The following GATA4 variants were observed in gnomAD, a reference collection of about 807,000 sequenced individuals.
The protein encoded by GATA4 is transcription factor GATA-4.
In GATA4, 7 loss-of-function variants were observed where a neutral mutation model predicts 37.9. That is an observed-to-expected ratio of 0.18 (90% confidence interval 0.11 to 0.35). The LOEUF is 0.35. Ranked by LOEUF, GATA4 falls within the 10% of genes least tolerant of loss-of-function variation. The pLI, the probability that GATA4 is intolerant of heterozygous loss-of-function variation, is 1.00. For synonymous variants in GATA4, 372 were observed against 292.6 expected (o/e 1.27, Z -2.77); for missense variants, 647 against 653.0 (o/e 0.99, Z 0.10).
intron 2 of GATA4, among the ~76,000 whole-genome samples, chr8:11,718,513 G>C (rs1033090769): frequency 6.6e-6 from 1 of 152,218 alleles, no homozygotes; most frequent in Non-Finnish European, 1.5e-5. Context: ...ACATTGAATA[G>C]TTACAGATAT....
At chr8:11,744,383 T>C (rs967061082) in intron 2 of GATA4, among the ~76,000 whole-genome samples, 2 of 152,232 alleles carry the variant, frequency 1.3e-5, no homozygotes, top group African/African-American at 4.8e-5. Context: ...CCTCCAAACG[T>C]GGGTGATGCC....
At chr8:11,692,735 G>T in intron 1 of GATA4, 2 of 984,234 alleles carry the variant, frequency 2.0e-6, no homozygotes, top group African/African-American at 3.5e-5. Context: ...CAGGCGCCGG[G>T]ACCCACGCGA....
intron 2 of GATA4, among the ~76,000 whole-genome samples, chr8:11,727,611 G>A (rs1157675340): frequency 6.6e-6 from 1 of 152,094 alleles, no homozygotes; most frequent in Non-Finnish European, 1.5e-5. Context: ...GGGAGGCTGA[G>A]GCAGGCAGAT....
At chr8:11,734,567 A>C (rs921624080) in intron 2 of GATA4, among the ~76,000 whole-genome samples, 2 of 151,902 alleles carry the variant, frequency 1.3e-5, no homozygotes, top group East Asian at 3.9e-4. Context: ...GCTCACTGCA[A>C]CCTCCGCCTC....
At chr8:11,677,040 C>A (rs1221294401) in exon 1 of GATA4, 3 of 152,532 alleles carry the variant, frequency 2.0e-5, no homozygotes, top group Non-Finnish European at 4.4e-5. Flanking sequence ...TGAGCAGCCG[C>A]AGGGACGCCG....
chr8:11,709,569 G>C lies in GATA4; in HGVS notation c.616+641G>C, dbSNP rs1178697026. On this transcript the variant is annotated intron_variant, in intron 2 of 6. Coordinates refer to ENST00000532059, the MANE Select transcript of GATA4 (RefSeq NM_001308093.3). This position sits in a 1 kb window ranked among gnomAD's most constrained non-coding sequence, Gnocchi z 4.3. ...GGCCGAGCGCGTGGGCGCATCATGC[G>C]GGCAGCGGGGGGGGGGGCGCACACG... Among the ~76,000 whole-genome samples the C allele has an allele frequency of 2.6e-5, 3 of 114,450 alleles. No homozygotes were observed. The highest frequency in any genetic ancestry group is 6.8e-5 in the Non-Finnish European group (3 of 44,092). 75.1% of individuals were successfully genotyped at this position (114,450 alleles called of 152,430 possible). A position where few individuals can be genotyped will look rare whatever the true frequency, so the allele number is the denominator to read the frequency against.
chr8:11,709,576 G>GT lies in GATA4; in HGVS notation c.616+648_616+649insT, dbSNP rs1554488892. Among the ~76,000 whole-genome samples the GT allele has an allele frequency of 2.4e-5, 1 of 41,646 alleles. No homozygotes were observed. Among genetic ancestry groups the GT allele is most frequent in the Non-Finnish European group, 1.1e-4 (1 of 9,460 alleles). The allele number at this position is 41,646 out of a possible 152,430, so 27.3% of individuals were successfully genotyped here. On this transcript the variant is annotated intron_variant, in intron 2 of 6. Transcript: ENST00000532059. The surrounding 1 kb of genome is among the most constrained non-coding windows in gnomAD (Gnocchi z 4.3). ...CGCGTGGGCGCATCATGCGGGCAGC[G>GT]GGGGGGGGGGCGCACACGCCCGGTC... is the stretch of plus-strand genomic sequence containing the variant.
intron 1 of GATA4, among the ~76,000 whole-genome samples, chr8:11,682,148 A>G (rs1798993222): frequency 2.6e-5 from 4 of 152,332 alleles, no homozygotes; most frequent in Middle Eastern, 6.8e-3. Context: ...TAATTTTCCA[A>G]GCACTAGGTG....
intron 2 of GATA4, among the ~76,000 whole-genome samples, chr8:11,740,517 G>T (rs1801678620): frequency 6.6e-6 from 1 of 152,204 alleles, no homozygotes; most frequent in African/African-American, 2.4e-5. Context: ...CAGCTGGGAG[G>T]CCCAGGCCCC....
At chr8:11,748,066 A>C (rs1442189027) in intron 2 of GATA4, among the ~76,000 whole-genome samples, 1 of 152,020 alleles carries the variant, frequency 6.6e-6, no homozygotes, top group African/African-American at 2.4e-5. Context: ...TAAAAGCACA[A>C]AATTAGCCGT....
At chr8:11,697,458 A>G (rs964736723) in intron 1 of GATA4, 1 of 688,442 alleles carries the variant, frequency 1.5e-6, no homozygotes, top group Non-Finnish European at 1.8e-6. Context: ...GGAACCTCCC[A>G]GCTGGGGAAG....
At chr8:11,758,191 A>G in intron 6 of GATA4, 102 bp from the exon 7 acceptor site, 1 of 1,164,832 alleles carries the variant, frequency 8.6e-7, no homozygotes. Flanking sequence ...GGCTGAAGCC[A>G]TCCTGGGGAC....
intron 1 of GATA4, among the ~76,000 whole-genome samples, chr8:11,678,199 A>T (rs1174720303): frequency 6.6e-6 from 1 of 152,010 alleles, no homozygotes; most frequent in Non-Finnish European, 1.5e-5. Flanking sequence ...AGACAACACC[A>T]TTTGTTCACT....
intron 1 of GATA4, among the ~76,000 whole-genome samples, chr8:11,683,705 C>T (rs1799050269): frequency 1.3e-5 from 2 of 152,216 alleles, no homozygotes; most frequent in African/African-American, 4.8e-5. Context: ...CTATTTCAGT[C>T]CCGCAACTGC....
chr8:11,682,215 C>A (rs752196555), intron 1 of GATA4, among the ~76,000 whole-genome samples: 3 of 152,182 alleles, frequency 2.0e-5, no homozygotes, highest in Non-Finnish European at 4.4e-5. Context: ...AATGTAGAAT[C>A]TTTTAAAACG....
At chr8:11,751,345 A>G (rs963047547) in intron 4 of GATA4, among the ~76,000 whole-genome samples, 5 of 152,188 alleles carry the variant, frequency 3.3e-5, no homozygotes, top group Non-Finnish European at 7.3e-5. Flanking sequence ...AATATAATTT[A>G]TAGGTGGTTG....
Position 11,758,840 on chromosome 8 carries a change from C to A in GATA4, c.*365C>A, listed in dbSNP as rs78334561. ...GAGGATCTGAGAACAAGCGGAGGGC[C>A]GGGCCCTGGGACCCCTGCTCCAGCC... is the stretch of plus-strand genomic sequence containing the variant. On this transcript the variant is annotated 3_prime_UTR_variant, in exon 7 of 7. Transcript: ENST00000532059. The A allele has an allele frequency of 3.8e-5, 13 of 341,618 alleles. No homozygotes were observed. Among genetic ancestry groups the A allele is most frequent in the African/African-American group, 2.6e-4 (12 of 47,024 alleles). The allele number at this position is 341,618 out of a possible 1,614,324, so 21.2% of individuals were successfully genotyped here.
intron 2 of GATA4, among the ~76,000 whole-genome samples, chr8:11,724,612 C>T (rs1800828465): frequency 1.3e-5 from 2 of 152,230 alleles, no homozygotes. Flanking sequence ...TTGGGCTCAC[C>T]TCCAGTGTTT....
At chr8:11,681,492 CGGGG>C (rs202218053) in intron 1 of GATA4, 28,012 of 920,482 alleles carry the variant, frequency 0.03, 895 homozygotes, top group African/African-American at 0.097. Flanking sequence ...GCGGCGCTCG[CGGGG>C]GGGGGGGGGG....
Sources: gnomAD v4.1 joint callset for allele counts (sites outside exome capture counted in the v4.1 genomes callset) on GRCh38, gnomAD v4.1.1 for gene constraint, Gnocchi (gnomAD v3.1) non-coding constraint, MANE v1.5 for transcripts, NCBI Gene and HGNC (gene_info 2026-07-23, HGNC 2026-07-21) for gene names.